The following CSMD3 variants were observed in gnomAD, a reference collection of about 807,000 sequenced individuals.
CSMD3 encodes CUB and sushi domain-containing protein 3.
A neutral mutation model predicts 435.2 loss-of-function variants in CSMD3; 177 were observed. The ratio of observed to expected loss-of-function variants is 0.41; its 90% CI spans 0.36 to 0.46. The LOEUF (loss-of-function observed/expected upper bound fraction) is 0.46, where lower values mean the gene tolerates loss of function less well. CSMD3 is among the 20% of genes least tolerant of loss of function. The pLI is 0.34. For synonymous variants in CSMD3, 1,656 were observed against 1,520.5 expected, an observed-to-expected ratio of 1.09 and a Z score of -2.07; for missense variants, 4,265 against 4,504.6, an observed-to-expected ratio of 0.95 and a Z score of 1.52.
At chr8:113,193,866 G>T (rs28637150) in intron 3 of CSMD3, among the ~76,000 whole-genome samples, 1 of 151,088 alleles carries the variant, frequency 6.6e-6, no homozygotes, top group Non-Finnish European at 1.5e-5. Context: ...TTATAAATGT[G>T]TACATAGACA....
intron 5 of CSMD3, among the ~76,000 whole-genome samples, chr8:113,065,872 G>A (rs951915292): frequency 1.3e-5 from 2 of 151,946 alleles, no homozygotes; most frequent in East Asian, 1.9e-4. Flanking sequence ...TGATATATTA[G>A]TATTGGTATC....
chr8:112,224,617 A>G lies in CSMD3; in HGVS notation c.*154T>C, dbSNP rs1812404922. 1.3e-6 allele frequency: 1 copy of G among 767,014 alleles called. No individual in the cohort carries two copies. The highest frequency in any genetic ancestry group is 1.7e-5 in the African/African-American group (1 of 58,640). 47.5% of individuals were successfully genotyped at this position (767,014 alleles called of 1,614,324 possible). A position where few individuals can be genotyped will look rare whatever the true frequency, so the allele number is the denominator to read the frequency against. On this transcript the variant is annotated 3_prime_UTR_variant, in exon 71 of 71. Coordinates refer to ENST00000297405, the MANE Select transcript of CSMD3 (RefSeq NM_198123.2). ...TGGTAAACATGAAGAATTATGGTCC[A>G]GTTTATGAAAAAACACTCTTCTGTA...
chr8:112,568,838 C>G (rs539061125), intron 24 of CSMD3, among the ~76,000 whole-genome samples: 1 of 152,074 alleles, frequency 6.6e-6, no homozygotes, highest in Non-Finnish European at 1.5e-5. Flanking sequence ...GTATCTTTAA[C>G]CTAATTTTTT....
chr8:112,873,875 AT>A (rs918800047), intron 10 of CSMD3, among the ~76,000 whole-genome samples: 4 of 151,608 alleles, frequency 2.6e-5, no homozygotes, highest in Admixed American at 6.6e-5. Context: ...GGATTCACTG[AT>A]TTTTTTTGAA....
intron 54 of CSMD3, among the ~76,000 whole-genome samples, chr8:112,293,397 T>C (rs184455448): frequency 1.3e-5 from 2 of 152,170 alleles, no homozygotes; most frequent in East Asian, 1.9e-4. Flanking sequence ...AATTTTGAAA[T>C]AGTGCTTTCA....
chr8:112,233,299 C>G (rs145663836), intron 68 of CSMD3, among the ~76,000 whole-genome samples: 1 of 152,172 alleles, frequency 6.6e-6, no homozygotes, highest in Non-Finnish European at 1.5e-5. Context: ...CCATGCAAGT[C>G]TGACATTTCA....
intron 27 of CSMD3, among the ~76,000 whole-genome samples, chr8:112,536,108 A>G (rs1826052218): frequency 6.6e-6 from 1 of 152,212 alleles, no homozygotes. Flanking sequence ...GGACATAGGC[A>G]TGGGCAAGGA....
intron 1 of CSMD3, among the ~76,000 whole-genome samples, chr8:113,385,582 G>T (rs745610405): frequency 6.6e-6 from 1 of 152,004 alleles, no homozygotes; most frequent in Non-Finnish European, 1.5e-5. Context: ...ACATTTTTTG[G>T]CATTGACTCT....
chr8:112,605,828 C>A (rs1331714793), intron 22 of CSMD3, among the ~76,000 whole-genome samples: 1 of 152,112 alleles, frequency 6.6e-6, no homozygotes, highest in Non-Finnish European at 1.5e-5. Flanking sequence ...TCATTTTACA[C>A]AAATGTAATC....
intron 23 of CSMD3, among the ~76,000 whole-genome samples, chr8:112,579,564 A>C: frequency 6.6e-6 from 1 of 152,158 alleles, no homozygotes; most frequent in South Asian, 2.1e-4. Flanking sequence ...ATATAATTTA[A>C]GTTAATTTAA....
At chr8:112,889,656 C>T (rs1481605322) in intron 10 of CSMD3, among the ~76,000 whole-genome samples, 1 of 151,600 alleles carries the variant, frequency 6.6e-6, no homozygotes, top group East Asian at 2.0e-4. Context: ...CAAATTTGAA[C>T]TTGGGCGGCG....
At chr8:112,469,466 C>CATT (rs149464751) in intron 32 of CSMD3, among the ~76,000 whole-genome samples, 2,654 of 152,260 alleles carry the variant, frequency 0.017, 80 homozygotes, top group African/African-American at 0.06. Context: ...ATTTGACAGA[C>CATT]GTGCTAAATC....
intron 32 of CSMD3, among the ~76,000 whole-genome samples, chr8:112,410,294 G>T (rs112368001): frequency 0.12 from 1 of 8 alleles, no homozygotes; most frequent in South Asian, 0.5. Context: ...TCTGAACATT[G>T]GCTGTGCTAA....
intron 38 of CSMD3, among the ~76,000 whole-genome samples, chr8:112,365,210 C>T (rs1053888044): frequency 1.3e-5 from 2 of 152,004 alleles, no homozygotes; most frequent in African/African-American, 4.8e-5. Context: ...TTGAATTCTG[C>T]CTGCCTCCTT....
chr8:112,258,441 C>A lies in CSMD3; in HGVS notation c.9863-3014G>T, dbSNP rs545826261. Among the ~76,000 whole-genome samples, 65 of 151,420 alleles carry A rather than the reference C, an allele frequency of 4.3e-4. No individual in the cohort carries two copies. The South Asian group carries it at 0.013, about 30-fold the overall frequency. On this transcript the variant is annotated intron_variant, in intron 61 of 70. Transcript: ENST00000297405. Reference sequence around the variant, plus strand: ...ACTTAAACAAATTTACAAGAAAAAACCAACCCCATCAAAAAGTGGACAAAG... The same window carrying A: ...ACTTAAACAAATTTACAAGAAAAAAACAACCCCATCAAAAAGTGGACAAAG...
intron 1 of CSMD3, among the ~76,000 whole-genome samples, chr8:113,365,206 A>G (rs974653851): frequency 6.6e-6 from 1 of 152,214 alleles, no homozygotes; most frequent in Non-Finnish European, 1.5e-5. Context: ...TCATTTTAAC[A>G]TGGAAGAAAA....
chr8:112,498,537 C>A (rs10097465), intron 30 of CSMD3, among the ~76,000 whole-genome samples: 54,878 of 151,824 alleles, frequency 0.36, 10,167 homozygotes, highest in East Asian at 0.5. Flanking sequence ...TTATAAGGTC[C>A]TGACCAGTTT....
intron 12 of CSMD3, among the ~76,000 whole-genome samples, chr8:112,813,184 T>C (rs772142855): frequency 1.4e-4 from 22 of 152,146 alleles, no homozygotes; most frequent in Non-Finnish European, 2.9e-4. Flanking sequence ...GTAGGCTTTA[T>C]TGAGCAGAGT....
intron 36 of CSMD3, among the ~76,000 whole-genome samples, chr8:112,384,198 AT>A (rs1457163749): frequency 6.6e-6 from 1 of 152,164 alleles, no homozygotes; most frequent in African/African-American, 2.4e-5. Context: ...TTATTTAAAA[AT>A]TTTTAACACG....
Sources: gnomAD v4.1 joint callset for allele counts (sites outside exome capture counted in the v4.1 genomes callset) on GRCh38, gnomAD v4.1.1 for gene constraint, MANE v1.5 for transcripts, NCBI Gene and HGNC (gene_info 2026-07-23, HGNC 2026-07-21) for gene names.